Variants in XDH observed in about 807,000 individuals in gnomAD.
XDH encodes xanthine dehydrogenase/oxidase.
Under a neutral mutation model 156.1 loss-of-function variants are expected in XDH, and 138 were observed. The ratio of observed to expected loss-of-function variants is 0.88; its 90% CI spans 0.77 to 1.02. The LOEUF (loss-of-function observed/expected upper bound fraction) is 1.02. XDH is among the 50% of genes least tolerant of loss of function. The pLI is 0.00. For synonymous variants in XDH, 669 were observed against 625.7 expected (o/e 1.07, Z -1.03); for missense variants, 1,849 against 1,684.9 (o/e 1.10, Z -1.71).
intron 2 of XDH, among the ~76,000 whole-genome samples, chr2:31,404,400 A>C (rs1379072185): frequency 1.3e-5 from 2 of 152,180 alleles, no homozygotes; most frequent in African/African-American, 4.8e-5. Flanking sequence ...CTAGTGTAAA[A>C]GTCAAGGCTG....
At chr2:31,402,940 C>T (rs752692739) in intron 3 of XDH, 108 bp downstream of exon 3, 38 of 1,196,792 alleles carry the variant, frequency 3.2e-5, no homozygotes, top group Non-Finnish European at 4.4e-5. Context: ...AAAACAGGGG[C>T]TCACACATGC....
chr2:31,371,594 T>C (rs1340756351), intron 17 of XDH, among the ~76,000 whole-genome samples: 1 of 152,196 alleles, frequency 6.6e-6, no homozygotes, highest in Non-Finnish European at 1.5e-5. Flanking sequence ...GGTTATGGTA[T>C]TGTCAATATG....
intron 11 of XDH, among the ~76,000 whole-genome samples, chr2:31,382,237 G>A (rs1201872456): frequency 6.6e-6 from 1 of 152,084 alleles, no homozygotes; most frequent in Non-Finnish European, 1.5e-5. Flanking sequence ...AATTCTTCCT[G>A]GAAATAGATT....
intron 4 of XDH, 33 bp from the exon 5 acceptor site, chr2:31,398,732 T>A (rs10175754): frequency 6.2e-7 from 1 of 1,612,282 alleles, no homozygotes; most frequent in Non-Finnish European, 8.5e-7. Context: ...ACACCTGGGA[T>A]GGCAGAACCC....
At chr2:31,356,663 T>C (rs986905892) in intron 24 of XDH, among the ~76,000 whole-genome samples, 1 of 152,228 alleles carries the variant, frequency 6.6e-6, no homozygotes, top group African/African-American at 2.4e-5. Context: ...TTCAGACTTC[T>C]GGCCTCAGAA....
At chr2:31,361,223 A>G (rs979169667) in intron 24 of XDH, among the ~76,000 whole-genome samples, 1 of 152,246 alleles carries the variant, frequency 6.6e-6, no homozygotes, top group Non-Finnish European at 1.5e-5. Flanking sequence ...AGCAATCTTT[A>G]CTATTCCAAC....
chr2:31,357,649 TATA>T (rs56672417), intron 24 of XDH, among the ~76,000 whole-genome samples: 63,405 of 151,322 alleles, frequency 0.42, 15,486 homozygotes, highest in Non-Finnish European at 0.54. Context: ...ATATGGTGAC[TATA>T]ATATTTTTAA....
At chr2:31,355,104 C>T (rs1685589581) in intron 24 of XDH, among the ~76,000 whole-genome samples, 1 of 152,118 alleles carries the variant, frequency 6.6e-6, no homozygotes, top group Admixed American at 6.5e-5. Context: ...CATCAGAAGC[C>T]ATAGAGACCA....
chr2:31,395,682 C>A (rs1434649758), intron 6 of XDH, among the ~76,000 whole-genome samples: 1 of 152,158 alleles, frequency 6.6e-6, no homozygotes, highest in East Asian at 1.9e-4. Context: ...ATCTTCCTAT[C>A]CTGGCAAAGG....
At chr2:31,364,293 C>A (rs1444085535) in intron 23 of XDH, 49 bp from the exon 24 acceptor site, 12 of 1,580,056 alleles carry the variant, frequency 7.6e-6, no homozygotes, top group Admixed American at 3.3e-5. Flanking sequence ...CCGTTTCCCC[C>A]ACCTCTCTGT....
In XDH at chr2:31,368,046, CT is replaced by C; in HGVS notation, c.2111del (p.Lys704ArgfsTer10). ...PAIITIEDAI[K>X]NNSFYGPELK... ...GCTCAGGTCCATAAAAGGAGTTGTT[CT>C]TTATAGCATCCTGAGGATCACAAAG... is the stretch of plus-strand genomic sequence containing the variant. On this transcript the variant is annotated frameshift_variant, in exon 20 of 36. Coordinates refer to ENST00000379416, the MANE Select transcript of XDH (RefSeq NM_000379.4). LOFTEE classifies it high-confidence loss of function. 1 of 1,614,064 alleles carries C rather than the reference CT, an allele frequency of 6.2e-7. No individual in the cohort carries two copies. Among genetic ancestry groups the C allele is most frequent in the Non-Finnish European group, 8.5e-7 (1 of 1,179,948 alleles).
chr2:31,372,753 C>T (rs191623678), intron 16 of XDH, among the ~76,000 whole-genome samples: 245 of 152,114 alleles, frequency 1.6e-3, no homozygotes, highest in Non-Finnish European at 2.9e-3. Flanking sequence ...AAAAACGTGA[C>T]GCAAAACATT....
At chr2:31,361,821 A>G (rs1413551565) in intron 24 of XDH, among the ~76,000 whole-genome samples, 2 of 152,184 alleles carry the variant, frequency 1.3e-5, no homozygotes, top group East Asian at 1.9e-4. Context: ...TTTACAAACA[A>G]AACTCAAGCA....
At chr2:31,386,010 C>A (rs939081000) in intron 9 of XDH, among the ~76,000 whole-genome samples, 1 of 152,202 alleles carries the variant, frequency 6.6e-6, no homozygotes, top group African/African-American at 2.4e-5. Flanking sequence ...GCTTTGTATC[C>A]CAAGCCCCTT....
At chr2:31,393,693 C>T (rs956384585) in intron 6 of XDH, among the ~76,000 whole-genome samples, 16 of 151,446 alleles carry the variant, frequency 1.1e-4, no homozygotes, top group Non-Finnish European at 1.9e-4. Context: ...TTCTTTGTTT[C>T]TAGTTTTGTC....
rs530276422 is a variant in XDH, at chr2:31,405,933, G to T, written c.74C>A (p.Thr25Asn). The change falls in exon 2 of 36, where the codon ACC (threonine) becomes AAC (asparagine). Residue 25 changes from threonine (T) to asparagine (N), a missense_variant. Coordinates refer to ENST00000379416, the MANE Select transcript of XDH (RefSeq NM_000379.4). ...VVEKNADPET[T>N]LLAYLRRKLG... is the part of the protein sequence containing the mutation. ...CTTTCTTCTCAGGTAGGCCAAAAGG[G>T]TTGTCTCTGGATCTGCATTTTTCTC... 2.5e-6 allele frequency: 4 copies of T among 1,614,076 alleles called. No individual in the cohort carries two copies. The highest frequency in any genetic ancestry group is 4.5e-5 in the East Asian group (2 of 44,878).
At chr2:31,346,666 G>C (rs773189233) in intron 30 of XDH, 103 bp downstream of exon 30, 8 of 1,370,644 alleles carry the variant, frequency 5.8e-6, no homozygotes, top group Non-Finnish European at 8.3e-6. Flanking sequence ...CTGCTGTTCT[G>C]ACTAAAATAT....
rs1396753296 is a variant in XDH at position 31,375,457 on chromosome 2, AC to A, written c.1524del (p.Cys509AlafsTer13). The A allele has an allele frequency of 6.2e-7, 1 of 1,614,232 alleles. No homozygotes were observed. The highest frequency in any genetic ancestry group is 1.1e-5 in the South Asian group (1 of 91,084). Reference sequence around the variant, plus strand: ...AAGAAGAAGCTGAGGGTGAGGGTGCACCGGAAGTCCACCATGCCACCAGGGG... The same window carrying A: ...AAGAAGAAGCTGAGGGTGAGGGTGCACGGAAGTCCACCATGCCACCAGGGG... ...PDAPGGMVDF[R>X]CTLTLSFFFK... On this transcript the variant is annotated frameshift_variant, in exon 15 of 36. Coordinates refer to ENST00000379416, the MANE Select transcript of XDH (RefSeq NM_000379.4). LOFTEE classifies it high-confidence loss of function.
At position 31,366,088 on chromosome 2, in the gene XDH, CCAA is replaced by C; in HGVS notation, c.2341_2343del (p.Leu781del). 1 of 1,614,194 alleles carries C rather than the reference CCAA, an allele frequency of 6.2e-7. No individual in the cohort carries two copies. Among genetic ancestry groups the C allele is most frequent in the Non-Finnish European group, 8.5e-7 (1 of 1,180,026 alleles). On this transcript the variant is annotated inframe_deletion, in exon 22 of 36. Coordinates refer to ENST00000379416, the MANE Select transcript of XDH (RefSeq NM_000379.4). ...ACCACAATCCGGTTTGCTGGAACCC[CCAA>C]CATTTTTGCAACAAAGCTCTGTGAG...
Sources: gnomAD v4.1 joint callset for allele counts (sites outside exome capture counted in the v4.1 genomes callset) on GRCh38, gnomAD v4.1.1 for gene constraint, MANE v1.5 for transcripts, NCBI Gene and HGNC (gene_info 2026-07-23, HGNC 2026-07-21) for gene names.